ZFHX4: variants seen among roughly 807,000 people sequenced by gnomAD.
ZFHX4 encodes the protein zinc finger homeobox protein 4.
ZFHX4 carries 56 observed loss-of-function variants against 267.6 expected under a neutral mutation model. The observed-to-expected ratio is 0.21, with a 90% confidence interval of 0.17 to 0.26. ZFHX4 has a LOEUF of 0.26. ZFHX4 is among the 10% of genes least tolerant of loss of function. The pLI is 1.00. For synonymous variants in ZFHX4, 1,778 were observed against 1,665.6 expected, an observed-to-expected ratio of 1.07 and a Z score of -1.64; for missense variants, 4,332 against 4,420.0, an observed-to-expected ratio of 0.98 and a Z score of 0.56.
intron 3 of ZFHX4, among the ~76,000 whole-genome samples, chr8:76,761,338 G>T (rs1463207727): frequency 6.6e-6 from 1 of 152,158 alleles, no homozygotes; most frequent in Admixed American, 6.6e-5. Context: ...AATGTGAGTT[G>T]CCCATGCAAT....
chr8:76,816,984 C>A lies in ZFHX4; in HGVS notation c.3326-16354C>A, dbSNP rs745358521. On this transcript the variant is annotated intron_variant, in intron 4 of 10. Coordinates refer to ENST00000651372, the MANE Select transcript of ZFHX4 (RefSeq NM_024721.5). ...CACTTTGTTAACTGTTACACATTTCCAGTGAGATGTAAACAAACAGTTTGA... is the reference window on the plus strand; with the variant it reads ...CACTTTGTTAACTGTTACACATTTCAAGTGAGATGTAAACAAACAGTTTGA... Among the ~76,000 whole-genome samples the A allele has an allele frequency of 8.5e-5, 13 of 152,054 alleles. No homozygotes were observed. The South Asian group carries it at 1.0e-3, about 12-fold the overall frequency.
intron 4 of ZFHX4, among the ~76,000 whole-genome samples, chr8:76,815,926 A>T (rs931081045): frequency 6.6e-6 from 1 of 152,212 alleles, no homozygotes; most frequent in Non-Finnish European, 1.5e-5. Context: ...AGCACTCACA[A>T]GTAACATGTA....
At chr8:76,780,203 T>A (rs886611845) in intron 4 of ZFHX4, among the ~76,000 whole-genome samples, 1 of 152,178 alleles carries the variant, frequency 6.6e-6, no homozygotes, top group Non-Finnish European at 1.5e-5. Context: ...ATGCTGAATG[T>A]CAAATCTTCT....
At chr8:76,712,216 G>A (rs934122130) in intron 3 of ZFHX4, among the ~76,000 whole-genome samples, 18 of 152,208 alleles carry the variant, frequency 1.2e-4, no homozygotes, top group African/African-American at 3.9e-4. Context: ...ACATTCCCCC[G>A]TGGAGCATTT....
chr8:76,818,916 A>G, intron 4 of ZFHX4, among the ~76,000 whole-genome samples: 1 of 150,590 alleles, frequency 6.6e-6, no homozygotes, highest in African/African-American at 2.4e-5. Context: ...GACCTTGCCT[A>G]AAAAAAAAGA....
chr8:76,706,265 A>G lies in ZFHX4; in HGVS notation c.2177A>G (p.Asn726Ser). Residue 726 changes from asparagine (N) to serine (S), a missense_variant, in exon 2 of 11, where the codon AAT (asparagine) becomes AGT (serine). Around this residue, in one of 7 missense-constraint regions of ZFHX4, gnomAD observed 1,195 missense variants for 1,173.6 expected, o/e 1.02. Coordinates refer to ENST00000651372, the MANE Select transcript of ZFHX4 (RefSeq NM_024721.5). ...ATGCAGTCGGACAAGCACCTGAACA[A>G]TGTTCAGAATCTCCAAAATGGCAAT... ...IHMQSDKHLN[N>S]VQNLQNGNGE... The G allele has an allele frequency of 1.2e-6, 2 of 1,614,058 alleles. No homozygotes were observed. The highest frequency in any genetic ancestry group is 1.7e-6 in the Non-Finnish European group (2 of 1,180,014).
At chr8:76,850,173 A>G (rs758059883) in intron 8 of ZFHX4, 72 bp from the exon 9 acceptor site, 9 of 1,235,200 alleles carry the variant, frequency 7.3e-6, no homozygotes, top group African/African-American at 3.0e-5. Flanking sequence ...ATATGCTACC[A>G]GCAAAAGAGA....
intron 3 of ZFHX4, among the ~76,000 whole-genome samples, chr8:76,757,326 C>A (rs1809790488): frequency 6.6e-6 from 1 of 151,994 alleles, no homozygotes; most frequent in Admixed American, 6.6e-5. Context: ...AGTAAATGTG[C>A]AGAAGTGAGA....
chr8:76,854,142 A>C lies in ZFHX4; in HGVS notation c.7221A>C (p.Glu2407Asp), dbSNP rs758082823. Reference sequence around the variant, plus strand: ...CTGAGAAGACTTCTCCAAAACCTGAATATCCCGCAGAAAAGCCAAAGCAGA... The same window carrying C: ...CTGAGAAGACTTCTCCAAAACCTGACTATCCCGCAGAAAAGCCAAAGCAGA... ...PEPEKTSPKP[E>D]YPAEKPKQSD... The change falls in exon 10 of 11, where the codon GAA becomes GAC. Residue 2407 changes from glutamate (E) to aspartate (D), a missense_variant. Transcript: ENST00000651372. 3.1e-6 allele frequency: 5 copies of C among 1,611,528 alleles called. No homozygotes were observed. The highest frequency in any genetic ancestry group is 3.4e-6 in the Non-Finnish European group (4 of 1,178,612).
Position 76,791,007 on chromosome 8 carries a change from C to T in ZFHX4, c.3325+12568C>T, listed in dbSNP as rs562071407. Among the ~76,000 whole-genome samples the T allele has an allele frequency of 1.5e-3, 228 of 152,172 alleles. 1 individual carries two copies. The highest frequency in any genetic ancestry group is 5.3e-3 in the African/African-American group (220 of 41,538). ...TTTCTTCTTGGTAGATTGTTTCTTA[C>T]TAAAATTAAAGCAAAAAACTTTCAA... On this transcript the variant is annotated intron_variant, in intron 4 of 10. Transcript: ENST00000651372.
intron 4 of ZFHX4, among the ~76,000 whole-genome samples, chr8:76,819,744 T>C (rs529903619): frequency 6.6e-6 from 1 of 152,172 alleles, no homozygotes; most frequent in Non-Finnish European, 1.5e-5. Flanking sequence ...GAAAACTGAT[T>C]CTCCAATATT....
rs1188685573 is a variant in ZFHX4 at position 76,865,630 on chromosome 8, C to T, written c.*1065C>T. 6.6e-6 allele frequency: 1 copy of T among 152,420 alleles called. No individual in the cohort carries two copies. Among genetic ancestry groups the T allele is most frequent in the Non-Finnish European group, 1.5e-5 (1 of 68,016 alleles). The allele number at this position is 152,420 out of a possible 1,614,324, so 9.4% of individuals were successfully genotyped here. Reference sequence around the variant, plus strand: ...TGAAAGTAGTACTGTATACTTGAAACTGTTTAAGTACAAGTTGAACAAAAA... The same window carrying T: ...TGAAAGTAGTACTGTATACTTGAAATTGTTTAAGTACAAGTTGAACAAAAA... On this transcript the variant is annotated 3_prime_UTR_variant, in exon 11 of 11. Transcript: ENST00000651372.
intron 3 of ZFHX4, among the ~76,000 whole-genome samples, chr8:76,747,603 C>A (rs889980842): frequency 2.6e-5 from 4 of 152,096 alleles, no homozygotes; most frequent in African/African-American, 9.7e-5. Context: ...TAGTATTTAG[C>A]GTGGCACTTA....
intron 3 of ZFHX4, among the ~76,000 whole-genome samples, chr8:76,717,840 G>A (rs745511794): frequency 2.0e-5 from 3 of 152,018 alleles, no homozygotes; most frequent in Non-Finnish European, 4.4e-5. Flanking sequence ...CAGGTGACCC[G>A]CCCCCCTCAG....
At chr8:76,708,706 C>T (rs1056771145) in intron 3 of ZFHX4, among the ~76,000 whole-genome samples, 1 of 152,120 alleles carries the variant, frequency 6.6e-6, no homozygotes, top group African/African-American at 2.4e-5. Flanking sequence ...TTTATCTTTA[C>T]TTGGAAGACT....
At chr8:76,802,004 G>A (rs1051483631) in intron 4 of ZFHX4, among the ~76,000 whole-genome samples, 1 of 152,146 alleles carries the variant, frequency 6.6e-6, no homozygotes, top group East Asian at 1.9e-4. Context: ...TCTTCAGGAA[G>A]CAGGAAAAAG....
intron 3 of ZFHX4, among the ~76,000 whole-genome samples, chr8:76,715,076 A>G (rs1808529408): frequency 6.6e-6 from 1 of 152,210 alleles, no homozygotes; most frequent in South Asian, 2.1e-4. Flanking sequence ...TTAGACAACG[A>G]TTATGGTGGG....
chr8:76,847,448 C>CAT (rs781197539), intron 6 of ZFHX4, among the ~76,000 whole-genome samples: 19 of 151,612 alleles, frequency 1.3e-4, no homozygotes, highest in South Asian at 6.2e-4. Context: ...TTCTCCGACA[C>CAT]ATATATATAT....
intron 3 of ZFHX4, among the ~76,000 whole-genome samples, chr8:76,747,194 G>A (rs538189127): frequency 6.6e-6 from 1 of 152,192 alleles, no homozygotes; most frequent in Non-Finnish European, 1.5e-5. Context: ...GTTCTCAAGA[G>A]ATATTTGCAC....
Sources: gnomAD v4.1 joint callset for allele counts (sites outside exome capture counted in the v4.1 genomes callset) on GRCh38, gnomAD v4.1.1 for gene constraint, gnomAD v4.1.1 regional missense constraint, MANE v1.5 for transcripts, NCBI Gene and HGNC (gene_info 2026-07-23, HGNC 2026-07-21) for gene names.